The following FAT4 variants were observed in gnomAD, a reference collection of about 807,000 sequenced individuals.
FAT4 encodes FAT atypical cadherin 4, also known as protocadherin Fat 4.
Under a neutral mutation model 303.9 loss-of-function variants are expected in FAT4, and 84 were observed. The observed-to-expected ratio is 0.28, with a 90% CI of 0.23 to 0.33. The LOEUF (loss-of-function observed/expected upper bound fraction) is 0.33, where lower values mean the gene tolerates loss of function less well. Ranked by LOEUF, FAT4 falls within the 10% of genes least tolerant of loss-of-function variation. The probability of loss-of-function intolerance (pLI) is 1.00; values close to 1 mark genes in which losing one functional copy is unlikely to be tolerated. For synonymous variants in FAT4, 2,307 were observed against 2,298.8 expected (o/e 1.00, Z -0.10); for missense variants, 6,005 against 6,146.8 (o/e 0.98, Z 0.77).
intron 8 of FAT4, among the ~76,000 whole-genome samples, chr4:125,435,072 A>G (rs55998366): frequency 0.013 from 1,953 of 152,268 alleles, 54 homozygotes; most frequent in African/African-American, 0.045. Context: ...ATGTCAAAGA[A>G]TTTTGACCAT....
chr4:125,397,205 C>T (rs1051609496), intron 2 of FAT4, among the ~76,000 whole-genome samples: 1 of 151,980 alleles, frequency 6.6e-6, no homozygotes, highest in Non-Finnish European at 1.5e-5. Flanking sequence ...TAAGCATTTT[C>T]TTTACCTATA....
chr4:125,406,330 G>A lies in FAT4; in HGVS notation c.5308-550G>A, dbSNP rs189886998. 2.8e-4 allele frequency among the ~76,000 whole-genome samples: 43 copies of A among 152,066 alleles called. 2 individuals are homozygous for A. The East Asian group carries it at 6.2e-3, about 22-fold the overall frequency. Reference sequence around the variant, plus strand: ...ATCATGCATGGATTTATTTATAGGCGTTCTAGTCTGTTTGGTTTGTCTGTA... The same window carrying A: ...ATCATGCATGGATTTATTTATAGGCATTCTAGTCTGTTTGGTTTGTCTGTA... On this transcript the variant is annotated intron_variant, in intron 3 of 17. Coordinates refer to ENST00000394329, the MANE Select transcript of FAT4 (RefSeq NM_001291303.3).
intron 12 of FAT4, among the ~76,000 whole-genome samples, chr4:125,471,434 CATGT>C (rs1726852337): frequency 6.6e-6 from 1 of 152,046 alleles, no homozygotes. Flanking sequence ...ATGAGGCATG[CATGT>C]ATTTATAGAT....
intron 2 of FAT4, among the ~76,000 whole-genome samples, chr4:125,346,715 G>A (rs1732017424): frequency 6.6e-6 from 1 of 151,958 alleles, no homozygotes; most frequent in African/African-American, 2.4e-5. Context: ...CAAGGAGGCA[G>A]GTCATTGAGT....
intron 9 of FAT4, 132 bp from the exon 10 acceptor site, chr4:125,448,329 T>G (rs926525020): frequency 1.2e-6 from 1 of 803,848 alleles, no homozygotes; most frequent in East Asian, 2.5e-5. Flanking sequence ...TAGGAGATAC[T>G]GTTCTCCCTA....
rs1035809113 is a variant in FAT4 at position 125,422,557 on chromosome 4, C to T, written c.7018+5935C>T. Among the ~76,000 whole-genome samples, 6 of 152,272 alleles carry T rather than the reference C, an allele frequency of 3.9e-5. No homozygotes were observed. The East Asian group carries it at 5.8e-4, about 15-fold the overall frequency. On this transcript the variant is annotated intron_variant, in intron 7 of 17. Transcript: ENST00000394329. ...TCTCCTGCCACCATGTGAAGAAAGA[C>T]GTGATTGCTTCCCCCTCCGCTGTGA... is the stretch of plus-strand genomic sequence containing the variant.
intron 8 of FAT4, among the ~76,000 whole-genome samples, chr4:125,440,606 T>TGA (rs777627667): frequency 4.4e-4 from 13 of 29,754 alleles, no homozygotes; most frequent in East Asian, 1.3e-3. Context: ...TGTGTGTGTG[T>TGA]GTGTGAGAGA....
chr4:125,388,051 CTCAGTATCTCTAGTCT>C (rs1383136418), intron 2 of FAT4, among the ~76,000 whole-genome samples: 1 of 152,202 alleles, frequency 6.6e-6, no homozygotes, highest in Non-Finnish European at 1.5e-5. Context: ...GATTCCTCTA[CTCAGTATCTCTAGTCT>C]TTCTGGTAGT....
chr4:125,438,939 A>G (rs1725551693), intron 8 of FAT4, among the ~76,000 whole-genome samples: 2 of 152,114 alleles, frequency 1.3e-5, no homozygotes, highest in South Asian at 4.1e-4. Context: ...ATAAACTTTT[A>G]TGTGTCTTAT....
At chr4:125,439,853 C>G (rs1037046470) in intron 8 of FAT4, among the ~76,000 whole-genome samples, 9 of 152,096 alleles carry the variant, frequency 5.9e-5, no homozygotes, top group Non-Finnish European at 1.3e-4. Flanking sequence ...ATTTGCCTCC[C>G]ATGGCCTAGG....
chr4:125,429,924 C>G (rs1166037771), intron 7 of FAT4, among the ~76,000 whole-genome samples: 2 of 152,022 alleles, frequency 1.3e-5, no homozygotes, highest in Non-Finnish European at 2.9e-5. Context: ...TAGGATGTAT[C>G]CACTACACGG....
intron 7 of FAT4, among the ~76,000 whole-genome samples, chr4:125,425,422 G>A (rs984404360): frequency 2.0e-4 from 30 of 152,120 alleles, no homozygotes; most frequent in African/African-American, 6.5e-4. Context: ...ATGTTTATAC[G>A]AATTTCTTCC....
Position 125,450,837 on chromosome 4 carries a change from C to G in FAT4, c.9827C>G (p.Pro3276Arg). Residue 3276 changes from proline (P) to arginine (R), a missense_variant, in exon 10 of 18, where the codon CCC (proline) becomes CGC (arginine). Pro to Arg is a moderately radical substitution (Grantham distance 103). Coordinates refer to ENST00000394329, the MANE Select transcript of FAT4 (RefSeq NM_001291303.3). ...YHLTVKAFNV[P>R]DEERCSFATV... ...CTTACTGTGAAAGCCTTCAATGTCC[C>G]CGATGAGGAAAGGTGTAGCTTTGCC... 6.2e-7 allele frequency: 1 copy of G among 1,613,994 alleles called. No homozygotes were observed. The highest frequency in any genetic ancestry group is 2.2e-5 in the East Asian group (1 of 44,856).
intron 2 of FAT4, among the ~76,000 whole-genome samples, chr4:125,388,446 T>A (rs1733848408): frequency 6.6e-6 from 1 of 152,220 alleles, no homozygotes; most frequent in Non-Finnish European, 1.5e-5. Flanking sequence ...TTGTTTGTTT[T>A]ATACTAAAAT....
At chr4:125,360,764 A>G (rs967056789) in intron 2 of FAT4, among the ~76,000 whole-genome samples, 15 of 152,024 alleles carry the variant, frequency 9.9e-5, no homozygotes, top group Admixed American at 2.6e-4. Flanking sequence ...TGGATTGCAG[A>G]TATGCTATTA....
At chr4:125,477,479 C>A in intron 14 of FAT4, 145 bp downstream of exon 14, 2 of 715,340 alleles carry the variant, frequency 2.8e-6, no homozygotes, top group Non-Finnish European at 4.2e-6. Flanking sequence ...AATACTATAC[C>A]TTTGAAATTT....
At position 125,452,249 on chromosome 4, in the gene FAT4, G is replaced by A; in HGVS notation, c.11239G>A (p.Gly3747Arg). The A allele has an allele frequency of 1.9e-6, 3 of 1,614,216 alleles. No individual in the cohort carries two copies. Among genetic ancestry groups the A allele is most frequent in the Non-Finnish European group, 2.5e-6 (3 of 1,180,034 alleles). Reference protein sequence around the residue: ...RIASSQLTGLGTAVQLYSAYE... With the variant: ...RIASSQLTGLRTAVQLYSAYE... The stretch of plus-strand genomic sequence containing the variant: ...TGCCAGCTCACAGCTGACAGGCTTA[G>A]GGACTGCTGTGCAACTGTACAGTGC... Residue 3747 changes from glycine (G) to arginine (R), a missense_variant, in exon 10 of 18, where the codon GGG becomes AGG. Gly to Arg is a moderately radical substitution (Grantham distance 125, BLOSUM62 -2). Transcript: ENST00000394329.
intron 12 of FAT4, among the ~76,000 whole-genome samples, chr4:125,474,115 TTAAAA>T (rs1726950131): frequency 6.6e-6 from 1 of 152,038 alleles, no homozygotes; most frequent in South Asian, 2.1e-4. Flanking sequence ...AAGCTTACTA[TTAAAA>T]TAAAACATCT....
At position 125,489,124 on chromosome 4, in the gene FAT4, A is replaced by G. The variant is rs75585195; in HGVS notation, c.13085-777A>G. Among the ~76,000 whole-genome samples, 793 of 152,308 alleles carry G rather than the reference A, an allele frequency of 5.2e-3. 9 individuals are homozygous for G. Among genetic ancestry groups the G allele is most frequent in the African/African-American group, 0.018 (759 of 41,562 alleles). On this transcript the variant is annotated intron_variant, in intron 17 of 17. Coordinates refer to ENST00000394329, the MANE Select transcript of FAT4 (RefSeq NM_001291303.3). ...AGTCCAGGTCATAAGTCCTTTTTAT[A>G]TGGTTATTATAGAATGTTGTGAGAA...
Sources: gnomAD v4.1 joint callset for allele counts (sites outside exome capture counted in the v4.1 genomes callset) on GRCh38, gnomAD v4.1.1 for gene constraint, MANE v1.5 for transcripts, NCBI Gene and HGNC (gene_info 2026-07-23, HGNC 2026-07-21) for gene names.